The following GALNTL6 variants were observed in gnomAD, a reference collection of about 807,000 sequenced individuals.
The protein encoded by GALNTL6 is polypeptide N-acetylgalactosaminyltransferase-like 6.
A neutral mutation model predicts 73.7 loss-of-function variants in GALNTL6; 46 were observed. That is an observed-to-expected ratio of 0.62 (90% CI 0.49 to 0.80). The LOEUF is 0.80. Among genes scored for constraint, GALNTL6 ranks in the 30% least tolerant of loss-of-function variants. The probability of loss-of-function intolerance (pLI) is 0.00; values close to 1 mark genes in which losing one functional copy is unlikely to be tolerated. For missense variants in GALNTL6, 604 were observed against 755.0 expected (o/e 0.80, Z 2.34); for synonymous variants, 259 against 263.7 (o/e 0.98, Z 0.17).
chr4:172,418,841 C>T (rs337045), intron 5 of GALNTL6, among the ~76,000 whole-genome samples: 131,955 of 152,174 alleles, frequency 0.87, 57,263 homozygotes, highest in South Asian at 0.89. Context: ...CAGCATTGTC[C>T]GGAGTCATCA....
At chr4:172,867,783 T>G (rs1744732261) in intron 7 of GALNTL6, among the ~76,000 whole-genome samples, 1 of 152,180 alleles carries the variant, frequency 6.6e-6, no homozygotes, top group African/African-American at 2.4e-5. Flanking sequence ...GGCTTTCTCT[T>G]TTTCAGCTAT....
At chr4:172,161,786 G>C (rs2110793468) in intron 2 of GALNTL6, among the ~76,000 whole-genome samples, 1 of 152,130 alleles carries the variant, frequency 6.6e-6, no homozygotes, top group East Asian at 1.9e-4. Flanking sequence ...CAAGTGAGTT[G>C]GAAGGATACC....
At chr4:172,850,655 C>T (rs968774438) in intron 7 of GALNTL6, among the ~76,000 whole-genome samples, 1 of 152,096 alleles carries the variant, frequency 6.6e-6, no homozygotes, top group African/African-American at 2.4e-5. Flanking sequence ...AAAGCTTAGT[C>T]CCACAAGACT....
chr4:172,771,139 T>G (rs1738737496), intron 5 of GALNTL6, among the ~76,000 whole-genome samples: 1 of 152,202 alleles, frequency 6.6e-6, no homozygotes, highest in African/African-American at 2.4e-5. Flanking sequence ...GTTAGTTGAA[T>G]TGAGCAACTG....
intron 2 of GALNTL6, among the ~76,000 whole-genome samples, chr4:171,994,473 A>G (rs1466960974): frequency 7.2e-5 from 11 of 152,066 alleles, no homozygotes; most frequent in Admixed American, 4.6e-4. Context: ...ATATTAAAAA[A>G]CACTTATTGC....
At chr4:172,249,680 A>G (rs1408958308) in intron 3 of GALNTL6, among the ~76,000 whole-genome samples, 1 of 152,196 alleles carries the variant, frequency 6.6e-6, no homozygotes, top group African/African-American at 2.4e-5. Context: ...CATAGCTAAA[A>G]GGGGCCAAGA....
intron 5 of GALNTL6, among the ~76,000 whole-genome samples, chr4:172,446,109 A>C (rs923524486): frequency 2.6e-5 from 4 of 152,170 alleles, no homozygotes; most frequent in African/African-American, 9.6e-5. Flanking sequence ...CCTGAATTCT[A>C]ATGTACCAAA....
chr4:172,987,484 A>G (rs1409142129), intron 10 of GALNTL6, among the ~76,000 whole-genome samples: 1 of 152,216 alleles, frequency 6.6e-6, no homozygotes, highest in Non-Finnish European at 1.5e-5. Flanking sequence ...TTCAAGATGA[A>G]GTTTTGGGTG....
At chr4:172,704,161 A>T (rs1358894002) in intron 5 of GALNTL6, among the ~76,000 whole-genome samples, 2 of 151,282 alleles carry the variant, frequency 1.3e-5, no homozygotes, top group Non-Finnish European at 3.0e-5. Context: ...TATTTTGTTG[A>T]TCTTTTGTAA....
At chr4:172,395,341 ATTTTG>A (rs1247401230) in intron 5 of GALNTL6, among the ~76,000 whole-genome samples, 1 of 152,152 alleles carries the variant, frequency 6.6e-6, no homozygotes, top group African/African-American at 2.4e-5. Context: ...AAAAAATATA[ATTTTG>A]TTTTATTTAT....
intron 4 of GALNTL6, 67 bp downstream of exon 4, chr4:172,311,819 T>A (rs878918936): frequency 1.8e-6 from 2 of 1,131,378 alleles, no homozygotes; most frequent in Non-Finnish European, 1.2e-6. Flanking sequence ...GATTTTTTTT[T>A]AAATGTGTAT....
At chr4:171,859,620 C>G (rs1177671576) in intron 2 of GALNTL6, among the ~76,000 whole-genome samples, 1 of 152,100 alleles carries the variant, frequency 6.6e-6, no homozygotes, top group African/African-American at 2.4e-5. Context: ...TAGAAGAAAC[C>G]AGATGTAAGC....
At chr4:171,900,251 G>A (rs1315889768) in intron 2 of GALNTL6, among the ~76,000 whole-genome samples, 3 of 152,016 alleles carry the variant, frequency 2.0e-5, no homozygotes, top group South Asian at 2.1e-4. Context: ...CACAATTCAC[G>A]CTAAAACTTT....
chr4:171,977,661 A>G (rs1739761969), intron 2 of GALNTL6, among the ~76,000 whole-genome samples: 2 of 152,186 alleles, frequency 1.3e-5, no homozygotes, highest in African/African-American at 4.8e-5. Flanking sequence ...TAGGATTTCA[A>G]CACACAAATT....
intron 5 of GALNTL6, among the ~76,000 whole-genome samples, chr4:172,456,606 T>C (rs1732408319): frequency 6.6e-6 from 1 of 151,558 alleles, no homozygotes; most frequent in African/African-American, 2.4e-5. Flanking sequence ...ATATCAGAGA[T>C]TGAAGATCAG....
At chr4:172,817,083 G>T (rs1741644324) in intron 7 of GALNTL6, among the ~76,000 whole-genome samples, 1 of 146,054 alleles carries the variant, frequency 6.8e-6, no homozygotes, top group African/African-American at 2.5e-5. Context: ...ACTTCAGCCT[G>T]AGAAACAGCC....
chr4:172,781,904 T>G (rs1275215137), intron 5 of GALNTL6, among the ~76,000 whole-genome samples: 1 of 151,148 alleles, frequency 6.6e-6, no homozygotes, highest in Non-Finnish European at 1.5e-5. Flanking sequence ...ATTTTCAAAT[T>G]TATACATTGA....
chr4:172,082,110 C>T (rs1275288036), intron 2 of GALNTL6, among the ~76,000 whole-genome samples: 1 of 152,114 alleles, frequency 6.6e-6, no homozygotes. Flanking sequence ...TTCCTGACCT[C>T]AAATGATCCA....
intron 5 of GALNTL6, among the ~76,000 whole-genome samples, chr4:172,419,199 C>T (rs1469819972): frequency 6.6e-6 from 1 of 151,976 alleles, no homozygotes; most frequent in Non-Finnish European, 1.5e-5. Flanking sequence ...AAGAAAATAA[C>T]CCTAATATGT....
Sources: allele counts gnomAD v4.1 joint callset (sites outside exome capture counted in the v4.1 genomes callset), GRCh38; gene constraint gnomAD v4.1.1; transcripts MANE v1.5; gene names NCBI Gene and HGNC (gene_info 2026-07-23, HGNC 2026-07-21).